The following ZDHHC13 variants were observed in gnomAD, a reference collection of about 807,000 sequenced individuals.
ZDHHC13 encodes the protein zDHHC palmitoyltransferase 13, also known as palmitoyltransferase ZDHHC13.
A neutral mutation model predicts 86.0 loss-of-function variants in ZDHHC13; 85 were observed. The observed-to-expected ratio is 0.99, with a 90% CI of 0.83 to 1.18. The LOEUF (loss-of-function observed/expected upper bound fraction) is 1.18, where lower values mean the gene tolerates loss of function less well. Ranked by LOEUF, ZDHHC13 falls within the 50% of genes most tolerant of loss-of-function variation. ZDHHC13 has a pLI of 0.00. For synonymous variants in ZDHHC13, 263 were observed against 246.4 expected, an observed-to-expected ratio of 1.07 and a Z score of -0.63; for missense variants, 711 against 730.2, an observed-to-expected ratio of 0.97 and a Z score of 0.30.
In ZDHHC13 at chr11:19,152,151, G is replaced by A. The variant is rs778348902; in HGVS notation, c.585-7G>A. On this transcript the variant is annotated splice_region_variant and splice_polypyrimidine_tract_variant and intron_variant, in intron 6 of 16. Transcript: ENST00000446113. ...ATGCCTCTTGGTATTTTATTATTTT[G>A]AGACAGGCCAGAACCAACTGGATTT... is the stretch of plus-strand genomic sequence containing the variant. The A allele has an allele frequency of 1.2e-6, 2 of 1,609,156 alleles. No individual in the cohort carries two copies. The highest frequency in any genetic ancestry group is 1.7e-6 in the Non-Finnish European group (2 of 1,177,328).
intron 1 of ZDHHC13, among the ~76,000 whole-genome samples, chr11:19,118,103 T>TC (rs1309574228): frequency 6.6e-6 from 1 of 152,116 alleles, no homozygotes; most frequent in African/African-American, 2.4e-5. Flanking sequence ...ATAACCCATG[T>TC]CAGATGCTTT....
intron 1 of ZDHHC13, among the ~76,000 whole-genome samples, chr11:19,136,742 A>G (rs1849152978): frequency 6.6e-6 from 1 of 152,166 alleles, no homozygotes; most frequent in Non-Finnish European, 1.5e-5. Flanking sequence ...TCTACAAGCC[A>G]GAAGATAGTG....
chr11:19,154,355 T>G (rs980753957), intron 8 of ZDHHC13, among the ~76,000 whole-genome samples: 1 of 152,178 alleles, frequency 6.6e-6, no homozygotes, highest in South Asian at 2.1e-4. Context: ...TGAGATTATG[T>G]TGCTAGGAGA....
chr11:19,164,526 G>A (rs1160874306), intron 12 of ZDHHC13, 163 bp downstream of exon 12: 2 of 649,298 alleles, frequency 3.1e-6, no homozygotes, highest in Admixed American at 2.9e-5. Context: ...TTGAACATAT[G>A]GCAGAATGAT....
Position 19,131,271 on chromosome 11 carries a change from G to A in ZDHHC13, c.28-11707G>A, listed in dbSNP as rs368678997. Among the ~76,000 whole-genome samples the A allele has an allele frequency of 2.6e-5, 4 of 152,180 alleles. No individual in the cohort carries two copies. The South Asian group carries it at 6.2e-4, about 24-fold the overall frequency. ...CTGTCCTCGTGAACTGCCCGCCTTG[G>A]CCTCCCAAAGCGTCCAGACTGATTT... On this transcript the variant is annotated intron_variant, in intron 1 of 16. Coordinates refer to ENST00000446113, the MANE Select transcript of ZDHHC13 (RefSeq NM_019028.3).
intron 1 of ZDHHC13, among the ~76,000 whole-genome samples, chr11:19,122,833 G>A (rs1466109556): frequency 6.6e-6 from 1 of 152,024 alleles, no homozygotes; most frequent in Non-Finnish European, 1.5e-5. Context: ...TTACCTAGTG[G>A]GTCACTGCAT....
At chr11:19,133,937 A>ATATATATGTATGTATGTATGTACG (rs1554961806) in intron 1 of ZDHHC13, among the ~76,000 whole-genome samples, 1 of 101,650 alleles carries the variant, frequency 9.8e-6, no homozygotes, top group African/African-American at 2.8e-5. Context: ...ATATATATAT[A>ATATATATGTATGTATGTATGTACG]TATATACACG....
chr11:19,165,516 G>A (rs532502507), intron 13 of ZDHHC13, among the ~76,000 whole-genome samples: 3 of 152,266 alleles, frequency 2.0e-5, no homozygotes, highest in South Asian at 4.2e-4. Context: ...GGAGAAGGTC[G>A]GACCATGATG....
rs1279633924 is a variant in ZDHHC13, at chr11:19,163,447, G to A, written c.1233+20G>A. On this transcript the variant is annotated intron_variant, in intron 11 of 16. Transcript: ENST00000446113. ...AAAGTGGTGAGATTTCTTCGTTACT[G>A]ATATTTTTAATAGGAGGGTTTGTAA... 1.9e-6 allele frequency: 3 copies of A among 1,565,504 alleles called. No individual in the cohort carries two copies. Among genetic ancestry groups the A allele is most frequent in the Non-Finnish European group, 2.6e-6 (3 of 1,162,470 alleles).
chr11:19,164,248 A>G (rs1228903510), intron 11 of ZDHHC13, 53 bp from the exon 12 acceptor site: 1 of 1,565,770 alleles, frequency 6.4e-7, no homozygotes, highest in Admixed American at 1.7e-5. Flanking sequence ...ATAACCATGC[A>G]TAATACATTT....
intron 1 of ZDHHC13, among the ~76,000 whole-genome samples, chr11:19,132,953 T>C (rs1225668757): frequency 6.6e-6 from 1 of 152,160 alleles, no homozygotes; most frequent in East Asian, 1.9e-4. Flanking sequence ...CATTTTTAAC[T>C]TAACATATAG....
Position 19,150,794 on chromosome 11 carries a change from G to A in ZDHHC13, c.584+3G>A, listed in dbSNP as rs773433396. ...TTATCAGCTCACAAAGTAATTGGGT[G>A]AGTTTAATTTAGTCCACTCAATCTC... On this transcript the variant is annotated splice_donor_region_variant and intron_variant, in intron 6 of 16. Coordinates refer to ENST00000446113, the MANE Select transcript of ZDHHC13 (RefSeq NM_019028.3). 3 of 1,608,512 alleles carry A rather than the reference G, an allele frequency of 1.9e-6. No homozygotes were observed. The highest frequency in any genetic ancestry group is 3.3e-5 in the Admixed American group (2 of 59,976).
chr11:19,161,288 A>G (rs1487397981), intron 10 of ZDHHC13, among the ~76,000 whole-genome samples: 7 of 151,984 alleles, frequency 4.6e-5, no homozygotes, highest in Non-Finnish European at 7.3e-5. Context: ...GTTATGCACC[A>G]TTGGGGCAAG....
Position 19,117,245 on chromosome 11 carries a change from G to A in ZDHHC13, c.-5G>A, listed in dbSNP as rs1268082305. ...TAGCCTCAGCCGCTGTGGGCTCCTG[G>A]GGAGATGGAGGGGCCGGGGCTGGGC... On this transcript the variant is annotated 5_prime_UTR_variant, in exon 1 of 17. Transcript: ENST00000446113. The surrounding 1 kb of genome is among the most constrained non-coding windows in gnomAD (Gnocchi z 4.2). The A allele has an allele frequency of 6.6e-7, 1 of 1,517,430 alleles. No individual in the cohort carries two copies. Among genetic ancestry groups the A allele is most frequent in the Admixed American group, 2.0e-5 (1 of 49,234 alleles). 94.0% of individuals were successfully genotyped at this position (1,517,430 alleles called of 1,614,324 possible).
At chr11:19,136,592 A>G (rs1431118679) in intron 1 of ZDHHC13, among the ~76,000 whole-genome samples, 1 of 152,164 alleles carries the variant, frequency 6.6e-6, no homozygotes, top group Non-Finnish European at 1.5e-5. Flanking sequence ...CTCCTCGAGA[A>G]GAGCAACTCC....
At position 19,176,235 on chromosome 11, in the gene ZDHHC13, T is replaced by C. The variant is rs754382242; in HGVS notation, c.*275T>C. 1.2e-5 allele frequency: 3 copies of C among 258,404 alleles called. No individual in the cohort carries two copies. Among genetic ancestry groups the C allele is most frequent in the Non-Finnish European group, 2.2e-5 (3 of 139,130 alleles). The allele number at this position is 258,404 out of a possible 1,614,324, so 16.0% of individuals were successfully genotyped here. ...TACTTTTTTTGGAAATAATACTCAC[T>C]GATTATGGATAAAATGGAATATTTT... is the stretch of plus-strand genomic sequence containing the variant. On this transcript the variant is annotated 3_prime_UTR_variant, in exon 17 of 17. Coordinates refer to ENST00000446113, the MANE Select transcript of ZDHHC13 (RefSeq NM_019028.3).
At chr11:19,148,965 A>G in intron 4 of ZDHHC13, 1 of 416,268 alleles carries the variant, frequency 2.4e-6, no homozygotes, top group Non-Finnish European at 4.1e-6. Flanking sequence ...AAAACAAAAA[A>G]CAAAAAACAA....
At chr11:19,148,970 AAAC>A (rs796681519) in intron 4 of ZDHHC13, 9 of 439,190 alleles carry the variant, frequency 2.0e-5, no homozygotes, top group African/African-American at 8.1e-5. Flanking sequence ...AAAAAACAAA[AAAC>A]AAAAAAAAAC....
At chr11:19,122,255 G>A (rs145400526) in intron 1 of ZDHHC13, among the ~76,000 whole-genome samples, 1 of 152,226 alleles carries the variant, frequency 6.6e-6, no homozygotes, top group East Asian at 1.9e-4. Flanking sequence ...AATTAAAGAT[G>A]GTGGTTATAA....
Sources: gnomAD v4.1 joint callset for allele counts (sites outside exome capture counted in the v4.1 genomes callset) on GRCh38, gnomAD v4.1.1 for gene constraint, Gnocchi (gnomAD v3.1) non-coding constraint, MANE v1.5 for transcripts, NCBI Gene and HGNC (gene_info 2026-07-23, HGNC 2026-07-21) for gene names.